TMED8: variants seen among roughly 807,000 people sequenced by gnomAD.
The protein encoded by TMED8 is protein TMED8.
Under a neutral mutation model 32.7 loss-of-function variants are expected in TMED8, and 15 were observed. That is an observed-to-expected ratio of 0.46 (90% CI 0.31 to 0.71). The LOEUF is 0.71. Ranked by LOEUF, TMED8 falls within the 30% of genes least tolerant of loss-of-function variation. TMED8 has a pLI of 0.06. For missense variants in TMED8, 390 were observed against 423.9 expected, an observed-to-expected ratio of 0.92 and a Z score of 0.70; for synonymous variants, 147 against 161.4, an observed-to-expected ratio of 0.91 and a Z score of 0.68.
chr14:77,370,840 T>C (rs1318828729), intron 1 of TMED8, among the ~76,000 whole-genome samples: 4 of 151,854 alleles, frequency 2.6e-5, no homozygotes, highest in Non-Finnish European at 5.9e-5. Flanking sequence ...TCCCAGCTAC[T>C]TGAGAGGCTG....
At chr14:77,345,642 G>C (rs556889104) in intron 3 of TMED8, among the ~76,000 whole-genome samples, 19 of 133,342 alleles carry the variant, frequency 1.4e-4, no homozygotes, top group Non-Finnish European at 1.2e-4. Flanking sequence ...CCGGGTGACA[G>C]AGTGAGACCT....
chr14:77,349,907 C>G (rs1361007392), intron 2 of TMED8, among the ~76,000 whole-genome samples: 1 of 152,222 alleles, frequency 6.6e-6, no homozygotes, highest in East Asian at 1.9e-4. Context: ...GCATTTGCTT[C>G]TGCCAGTACT....
intron 4 of TMED8, 100 bp from the exon 5 acceptor site, chr14:77,343,583 C>A: frequency 6.3e-7 from 1 of 1,576,944 alleles, no homozygotes; most frequent in South Asian, 1.2e-5. Flanking sequence ...ATTCTTTCTA[C>A]TGGCTTGACT....
At chr14:77,372,422 TC>T (rs368214317) in intron 1 of TMED8, among the ~76,000 whole-genome samples, 90 of 152,236 alleles carry the variant, frequency 5.9e-4, no homozygotes, top group African/African-American at 2.1e-3. Flanking sequence ...TCAGAGGATT[TC>T]CCCCTCAGTA....
At chr14:77,343,644 T>C (rs1892961198) in intron 4 of TMED8, 53 bp downstream of exon 4, 3 of 1,603,978 alleles carry the variant, frequency 1.9e-6, no homozygotes, top group Admixed American at 1.7e-5. Flanking sequence ...TGCCTGCCTT[T>C]CTTTGAGTAT....
At chr14:77,373,005 G>A (rs189200942) in intron 1 of TMED8, among the ~76,000 whole-genome samples, 1,829 of 108,366 alleles carry the variant, frequency 0.017, 37 homozygotes, top group Middle Eastern at 0.13. Context: ...TCCCTCTGTC[G>A]CCCAGGCTGG....
intron 1 of TMED8, among the ~76,000 whole-genome samples, chr14:77,373,154 C>A (rs1893736439): frequency 6.7e-6 from 1 of 150,136 alleles, no homozygotes; most frequent in Admixed American, 6.6e-5. Flanking sequence ...AATATTCTAA[C>A]TTCTACCTTA....
Position 77,335,149 on chromosome 14 carries a change from A to C in TMED8, c.*6622T>G, listed in dbSNP as rs1315776202. ...AACGCAAGAACTGAGCTACTTGAAG[A>C]AGCACAGCTCAGAATCATCAGTGTA... On this transcript the variant is annotated 3_prime_UTR_variant, in exon 6 of 6. Transcript: ENST00000216468. 2 of 152,214 alleles carry C rather than the reference A, an allele frequency of 1.3e-5. No individual in the cohort carries two copies. The highest frequency in any genetic ancestry group is 2.1e-4 in the South Asian group (1 of 4,832). 9.4% of individuals were successfully genotyped at this position (152,214 alleles called of 1,614,324 possible).
At chr14:77,361,329 T>C (rs564114893) in intron 1 of TMED8, among the ~76,000 whole-genome samples, 1 of 152,322 alleles carries the variant, frequency 6.6e-6, no homozygotes, top group African/African-American at 2.4e-5. Flanking sequence ...CAGAACCATT[T>C]ATTGAAGAGA....
Position 77,377,054 on chromosome 14 carries a change from C to G in TMED8, c.-1G>C. 7.3e-7 allele frequency: 1 copy of G among 1,363,678 alleles called. No homozygotes were observed. The highest frequency in any genetic ancestry group is 9.4e-7 in the Non-Finnish European group (1 of 1,063,920). 84.5% of individuals were successfully genotyped at this position (1,363,678 alleles called of 1,614,324 possible). On this transcript the variant is annotated 5_prime_UTR_variant, in exon 1 of 6. Transcript: ENST00000216468. ...CCTCAGCCGCCTGCAGGTCAGACAT[C>G]TGCAGCCCGCGCACGGAGCTCTCCG... is the stretch of plus-strand genomic sequence containing the variant.
chr14:77,356,992 T>C (rs941666116), intron 1 of TMED8, among the ~76,000 whole-genome samples: 5 of 152,226 alleles, frequency 3.3e-5, no homozygotes, highest in Non-Finnish European at 5.9e-5. Context: ...TCCAGTATAG[T>C]AATTACTAGT....
At chr14:77,361,108 TA>T (rs1420729687) in intron 1 of TMED8, among the ~76,000 whole-genome samples, 1 of 151,542 alleles carries the variant, frequency 6.6e-6, no homozygotes, top group East Asian at 1.9e-4. Context: ...GGCTCCCAGG[TA>T]GCTGGGATTA....
chr14:77,349,836 T>G (rs915475902), intron 2 of TMED8, among the ~76,000 whole-genome samples: 9 of 152,238 alleles, frequency 5.9e-5, no homozygotes, highest in African/African-American at 2.2e-4. Context: ...TCTTAAAAAT[T>G]GATGATATCT....
intron 1 of TMED8, among the ~76,000 whole-genome samples, chr14:77,369,945 G>A (rs546406820): frequency 4.6e-5 from 7 of 152,136 alleles, no homozygotes; most frequent in East Asian, 3.9e-4. Flanking sequence ...GGGCCGAGGC[G>A]GGCAGATCAC....
intron 2 of TMED8, among the ~76,000 whole-genome samples, chr14:77,348,787 C>A (rs188802076): frequency 3.4e-3 from 510 of 152,194 alleles, no homozygotes; most frequent in Non-Finnish European, 5.4e-3. Context: ...TAAAACAGAG[C>A]CATCTTTTGG....
chr14:77,360,720 T>C (rs1893416443), intron 1 of TMED8, among the ~76,000 whole-genome samples: 1 of 152,216 alleles, frequency 6.6e-6, no homozygotes, highest in South Asian at 2.1e-4. Context: ...TGGGGGTTAC[T>C]GGGTCATGTG....
chr14:77,373,785 T>C (rs1282464055), intron 1 of TMED8, among the ~76,000 whole-genome samples: 1 of 152,202 alleles, frequency 6.6e-6, no homozygotes, highest in Non-Finnish European at 1.5e-5. Context: ...GACTGGATCG[T>C]GGAGATGAAT....
At chr14:77,364,624 C>G (rs142028334) in intron 1 of TMED8, among the ~76,000 whole-genome samples, 30 of 152,206 alleles carry the variant, frequency 2.0e-4, no homozygotes, top group Middle Eastern at 3.4e-3. Flanking sequence ...AACTCTTGGG[C>G]TCAAGTGATC....
intron 2 of TMED8, 93 bp downstream of exon 2, chr14:77,351,580 T>C: frequency 8.2e-7 from 1 of 1,213,870 alleles, no homozygotes; most frequent in South Asian, 1.4e-5. Flanking sequence ...TACTTTAACT[T>C]GCCTCCCCGC....
Sources: gnomAD v4.1 joint callset for allele counts (sites outside exome capture counted in the v4.1 genomes callset) on GRCh38, gnomAD v4.1.1 for gene constraint, MANE v1.5 for transcripts, NCBI Gene and HGNC (gene_info 2026-07-23, HGNC 2026-07-21) for gene names.